Variants in L3MBTL3 observed in about 807,000 individuals in gnomAD.
L3MBTL3 encodes L3MBTL histone methyl-lysine binding protein 3, also known as lethal(3)malignant brain tumor-like protein 3.
A neutral mutation model predicts 102.3 loss-of-function variants in L3MBTL3; 27 were observed. The observed-to-expected ratio is 0.26, with a 90% CI of 0.19 to 0.36. The LOEUF is 0.36. Ranked by LOEUF, L3MBTL3 falls within the 10% of genes least tolerant of loss-of-function variation. The pLI, the probability that L3MBTL3 is intolerant of heterozygous loss-of-function variation, is 1.00. For synonymous variants in L3MBTL3, 340 were observed against 320.9 expected (o/e 1.06, Z -0.64); for missense variants, 798 against 955.3 (o/e 0.84, Z 2.17).
intron 22 of L3MBTL3, among the ~76,000 whole-genome samples, chr6:130,135,556 A>G (rs1004310297): frequency 3.9e-5 from 6 of 152,164 alleles, no homozygotes; most frequent in East Asian, 1.9e-4. Flanking sequence ...GGTTTGCTCT[A>G]TTATTCAGTT....
At chr6:130,059,127 T>C (rs1781724662) in intron 9 of L3MBTL3, among the ~76,000 whole-genome samples, 1 of 152,160 alleles carries the variant, frequency 6.6e-6, no homozygotes, top group African/African-American at 2.4e-5. Context: ...AATGAATGCA[T>C]GTGATTCAAA....
chr6:130,047,212 A>G (rs1780780328), intron 3 of L3MBTL3, among the ~76,000 whole-genome samples: 1 of 152,094 alleles, frequency 6.6e-6, no homozygotes, highest in Admixed American at 6.5e-5. Context: ...GGATTAATCA[A>G]CCCTCAAAGT....
At chr6:130,098,863 CTTTT>C (rs11332477) in intron 18 of L3MBTL3, among the ~76,000 whole-genome samples, 1 of 118,520 alleles carries the variant, frequency 8.4e-6, no homozygotes, top group Non-Finnish European at 1.8e-5. Flanking sequence ...GTGTGTTTTT[CTTTT>C]TTTTTTTTTT....
chr6:130,064,102 A>G (rs372710688), intron 10 of L3MBTL3, among the ~76,000 whole-genome samples: 11 of 152,190 alleles, frequency 7.2e-5, no homozygotes, highest in African/African-American at 2.4e-4. Flanking sequence ...TCCCATCACC[A>G]TTTACTAGAC....
At chr6:130,103,482 G>T (rs918647550) in intron 18 of L3MBTL3, among the ~76,000 whole-genome samples, 18 of 151,818 alleles carry the variant, frequency 1.2e-4, no homozygotes, top group African/African-American at 4.1e-4. Flanking sequence ...ATTTTCCCTG[G>T]GTGATTATCA....
chr6:130,070,827 G>A (rs976529434), intron 12 of L3MBTL3, 149 bp from the exon 13 acceptor site: 9 of 165,232 alleles, frequency 5.4e-5, no homozygotes, highest in Non-Finnish European at 8.2e-5. Flanking sequence ...GTTGGAAAGC[G>A]ACCCTGCTGT....
intron 3 of L3MBTL3, among the ~76,000 whole-genome samples, chr6:130,048,719 C>G (rs1309876335): frequency 1.3e-5 from 2 of 152,088 alleles, no homozygotes; most frequent in Admixed American, 6.6e-5. Context: ...AAATGTGGCA[C>G]TGGGGTTATG....
At chr6:130,071,236 C>T in intron 13 of L3MBTL3, 109 bp downstream of exon 13, 1 of 920,432 alleles carries the variant, frequency 1.1e-6, no homozygotes, top group Non-Finnish European at 1.6e-6. Flanking sequence ...AGTGTTCTGC[C>T]CCACTTTTTC....
chr6:130,082,721 A>G (rs1783441994), intron 14 of L3MBTL3, among the ~76,000 whole-genome samples: 1 of 152,178 alleles, frequency 6.6e-6, no homozygotes, highest in Non-Finnish European at 1.5e-5. Context: ...TCTGAACACT[A>G]AGTGTGCTTA....
At chr6:130,058,665 T>A (rs934899251) in intron 9 of L3MBTL3, among the ~76,000 whole-genome samples, 4 of 152,242 alleles carry the variant, frequency 2.6e-5, no homozygotes, top group Admixed American at 2.0e-4. Context: ...ATGTTAGGCA[T>A]TTCAGAGCAC....
intron 7 of L3MBTL3, 60 bp from the exon 8 acceptor site, chr6:130,055,107 TCTAA>T (rs1400667854): frequency 8.4e-7 from 1 of 1,195,126 alleles, no homozygotes. Context: ...CTGATAGCTC[TCTAA>T]CTATTCACTG....
chr6:130,049,667 A>G (rs1361908339), intron 4 of L3MBTL3, 89 bp from the exon 5 acceptor site: 6 of 1,491,182 alleles, frequency 4.0e-6, no homozygotes, highest in Non-Finnish European at 9.3e-7. Context: ...CAGGTGATTT[A>G]GCCAAAAGCC....
At chr6:130,052,825 T>C in intron 6 of L3MBTL3, 34 bp from the exon 7 acceptor site, 1 of 1,602,620 alleles carries the variant, frequency 6.2e-7, no homozygotes, top group Non-Finnish European at 8.5e-7. Flanking sequence ...AGGTATTGTC[T>C]CTTGTCACTA....
At chr6:130,111,479 TG>T (rs1480467461) in intron 19 of L3MBTL3, among the ~76,000 whole-genome samples, 1 of 152,190 alleles carries the variant, frequency 6.6e-6, no homozygotes, top group Admixed American at 6.5e-5. Context: ...GGCTGGTGTG[TG>T]CTGAAGTGAA....
chr6:130,082,911 C>G (rs892323653), intron 14 of L3MBTL3, among the ~76,000 whole-genome samples: 3 of 152,104 alleles, frequency 2.0e-5, no homozygotes, highest in Non-Finnish European at 2.9e-5. Context: ...TTCTGGTTTC[C>G]CTCAAACCTG....
intron 15 of L3MBTL3, among the ~76,000 whole-genome samples, chr6:130,085,022 GT>G (rs1783593783): frequency 6.6e-6 from 1 of 152,054 alleles, no homozygotes; most frequent in African/African-American, 2.4e-5. Flanking sequence ...TAGAGAAGAG[GT>G]TTTGCTCTGT....
intron 18 of L3MBTL3, among the ~76,000 whole-genome samples, chr6:130,096,143 G>C (rs367545811): frequency 1.6e-4 from 24 of 152,234 alleles, no homozygotes; most frequent in Admixed American, 7.2e-4. Flanking sequence ...GAGGCCACGG[G>C]GGGTACTGGG....
chr6:130,051,490 T>A (rs761572144), intron 6 of L3MBTL3, 82 bp downstream of exon 6: 44 of 1,256,236 alleles, frequency 3.5e-5, no homozygotes, highest in Middle Eastern at 3.8e-4. Context: ...AGTTTTATGC[T>A]CTCGGACATT....
chr6:130,115,974 A>G (rs1176345360), intron 19 of L3MBTL3, among the ~76,000 whole-genome samples: 2 of 152,092 alleles, frequency 1.3e-5, no homozygotes, highest in East Asian at 1.9e-4. Context: ...TGTAGTTGCT[A>G]TCATCACACC....
Sources: gnomAD v4.1 joint callset for allele counts (sites outside exome capture counted in the v4.1 genomes callset) on GRCh38, gnomAD v4.1.1 for gene constraint, MANE v1.5 for transcripts, NCBI Gene and HGNC (gene_info 2026-07-23, HGNC 2026-07-21) for gene names.